The following ARID1B variants were observed in gnomAD, a reference collection of about 807,000 sequenced individuals.
ARID1B encodes AT-rich interaction domain 1B.
Under a neutral mutation model 212.3 loss-of-function variants are expected in ARID1B, and 30 were observed. The ratio of observed to expected loss-of-function variants is 0.14; its 90% CI spans 0.11 to 0.19. ARID1B has a LOEUF of 0.19. Among genes scored for constraint, ARID1B ranks in the 10% least tolerant of loss-of-function variants. The probability of loss-of-function intolerance (pLI) is 1.00; values close to 1 mark genes in which losing one functional copy is unlikely to be tolerated. For missense variants in ARID1B, 2,891 were observed against 3,204.0 expected, an observed-to-expected ratio of 0.90 and a Z score of 2.36; for synonymous variants, 1,402 against 1,301.7, an observed-to-expected ratio of 1.08 and a Z score of -1.66.
rs1794003541 is a variant in ARID1B, at chr6:157,200,276, G to A, written c.4480-429G>A. On this transcript the variant is annotated intron_variant, in intron 17 of 19. Coordinates refer to ENST00000636930, the MANE Select transcript of ARID1B (RefSeq NM_001374828.1). This position sits in a 1 kb window ranked among gnomAD's most constrained non-coding sequence, Gnocchi z 4.3. Reference sequence around the variant, plus strand: ...TTCGGGGGCTTTTCTGTAAAATGAGGCCCAAGAAACCCTTTTACCCCAAGA... The same window carrying A: ...TTCGGGGGCTTTTCTGTAAAATGAGACCCAAGAAACCCTTTTACCCCAAGA... 6.6e-6 allele frequency among the ~76,000 whole-genome samples: 1 copy of A among 152,142 alleles called. No homozygotes were observed. Among genetic ancestry groups the A allele is most frequent in the African/African-American group, 2.4e-5 (1 of 41,436 alleles).
At chr6:157,021,815 G>C (rs1365235696) in intron 4 of ARID1B, among the ~76,000 whole-genome samples, 1 of 152,106 alleles carries the variant, frequency 6.6e-6, no homozygotes, top group Non-Finnish European at 1.5e-5. Context: ...ACAGCTTCGC[G>C]TACACATGAG....
chr6:157,190,053 T>C lies in ARID1B; in HGVS notation c.4074T>C (p.Ser1358=). The C allele has an allele frequency of 6.2e-7, 1 of 1,614,044 alleles. No individual in the cohort carries two copies. The highest frequency in any genetic ancestry group is 8.5e-7 in the Non-Finnish European group (1 of 1,179,946). ...PMQGGRSSTI[S]VHDPFSDVSD... is the part of the protein sequence containing the mutation. ...CTCTCTTCAGAAGCAGTACAATCAG[T>C]GTGCACGACCCATTCTCAGATGTGA... is the stretch of plus-strand genomic sequence containing the variant. Residue 1358 remains serine (S), a synonymous_variant, in exon 15 of 20, where the codon AGT becomes AGC. Transcript: ENST00000636930. This position sits in a 1 kb window ranked among gnomAD's most constrained non-coding sequence, Gnocchi z 4.6.
intron 1 of ARID1B, among the ~76,000 whole-genome samples, chr6:156,785,525 T>G (rs74355105): frequency 4.6e-5 from 6 of 129,764 alleles, no homozygotes; most frequent in Admixed American, 1.4e-4. Context: ...AAATATATGG[T>G]TTTTTTTTTA....
In ARID1B at chr6:157,020,555, T is replaced by C. The variant is rs1045991474; in HGVS notation, c.2248-64107T>C. ...AGGCATGTGTTTTTCTTTCTGATGCTGTTGGAGCTATAAATAGTAGGTAGA... is the reference window on the plus strand; with the variant it reads ...AGGCATGTGTTTTTCTTTCTGATGCCGTTGGAGCTATAAATAGTAGGTAGA... On this transcript the variant is annotated intron_variant, in intron 4 of 19. Coordinates refer to ENST00000636930, the MANE Select transcript of ARID1B (RefSeq NM_001374828.1). Among the ~76,000 whole-genome samples, 3 of 152,246 alleles carry C rather than the reference T, an allele frequency of 2.0e-5. No individual in the cohort carries two copies. In the South Asian group the frequency reaches 6.2e-4, roughly 32 times the overall value.
chr6:157,051,865 C>G (rs1279986869), intron 4 of ARID1B, among the ~76,000 whole-genome samples: 1 of 152,120 alleles, frequency 6.6e-6, no homozygotes, highest in Non-Finnish European at 1.5e-5. Context: ...TCTTTTGTCA[C>G]ATGATATATT....
Position 157,208,151 on chromosome 6 carries a change from G to A in ARID1B, c.*260G>A. On this transcript the variant is annotated 3_prime_UTR_variant, in exon 20 of 20. Coordinates refer to ENST00000636930, the MANE Select transcript of ARID1B (RefSeq NM_001374828.1). ...TTTTTAACCAAAGTTGCTGTCTAGT[G>A]CATTCAAAGGTCACTTTTTGTTCTT... The A allele has an allele frequency of 3.0e-6, 1 of 336,914 alleles. No individual in the cohort carries two copies. The highest frequency in any genetic ancestry group is 4.8e-5 in the Admixed American group (1 of 20,966). The allele number at this position is 336,914 out of a possible 1,614,324, so 20.9% of individuals were successfully genotyped here. A position where few individuals can be genotyped will look rare whatever the true frequency, so the allele number is the denominator to read the frequency against.
At chr6:156,845,250 C>T (rs995489865) in intron 2 of ARID1B, among the ~76,000 whole-genome samples, 4 of 152,164 alleles carry the variant, frequency 2.6e-5, no homozygotes, top group Admixed American at 6.5e-5. Context: ...GGAATCCCTC[C>T]GGGAGCCACC....
chr6:156,803,261 AT>A (rs1780915913), intron 1 of ARID1B, among the ~76,000 whole-genome samples: 1 of 152,156 alleles, frequency 6.6e-6, no homozygotes, highest in Non-Finnish European at 1.5e-5. Flanking sequence ...CCAACATTTT[AT>A]TTATGAAATT....
chr6:157,207,444 C>T lies in ARID1B; in HGVS notation c.6672C>T (p.Ala2224=). The change falls in exon 20 of 20, where the codon GCC becomes GCT. Residue 2224 remains alanine (A), a synonymous_variant. Coordinates refer to ENST00000636930, the MANE Select transcript of ARID1B (RefSeq NM_001374828.1). The surrounding 1 kb of genome is among the most constrained non-coding windows in gnomAD (Gnocchi z 8.5). ...ACAATAATGTGGACCTGATCTTGGCCACTCCTCCATTTAGTCGTCAGGAGA... is the reference window on the plus strand; with the variant it reads ...ACAATAATGTGGACCTGATCTTGGCTACTCCTCCATTTAGTCGTCAGGAGA... ...IQDNNVDLIL[A]TPPFSRQEKF... 6.2e-7 allele frequency: 1 copy of T among 1,614,114 alleles called. No homozygotes were observed. Among genetic ancestry groups the T allele is most frequent in the Non-Finnish European group, 8.5e-7 (1 of 1,180,022 alleles).
chr6:157,123,179 T>TG (rs1491473661), intron 6 of ARID1B, among the ~76,000 whole-genome samples: 58 of 147,424 alleles, frequency 3.9e-4, no homozygotes, highest in Non-Finnish European at 6.0e-4. Context: ...TTTTGAGATC[T>TG]TTCTCTGTCT....
At position 157,190,552 on chromosome 6, in the gene ARID1B, G is replaced by A. The variant is rs1212978990; in HGVS notation, c.4231+342G>A. ...CTTCCAAAGGCATGGCGAGGATTAA[G>A]TTCCTGCAACAGAGCTCAGAGAAGA... On this transcript the variant is annotated intron_variant, in intron 15 of 19. Transcript: ENST00000636930. This position sits in a 1 kb window ranked among gnomAD's most constrained non-coding sequence, Gnocchi z 4.6. Among the ~76,000 whole-genome samples the A allele has an allele frequency of 6.6e-6, 1 of 152,372 alleles. No individual in the cohort carries two copies. The highest frequency in any genetic ancestry group is 6.5e-5 in the Admixed American group (1 of 15,312).
chr6:157,076,490 T>A (rs1040554189), intron 4 of ARID1B, among the ~76,000 whole-genome samples: 7 of 151,822 alleles, frequency 4.6e-5, no homozygotes, highest in African/African-American at 1.7e-4. Context: ...TCTTAATGTT[T>A]ATAAGCATTT....
At position 156,778,906 on chromosome 6, in the gene ARID1B, G is replaced by GAGCAGGAGC; in HGVS notation, c.1228_1229insCAGGAGCAG (p.Gly409_Gly410insAlaGlyAla). The GAGCAGGAGC allele has an allele frequency of 2.2e-6, 3 of 1,367,118 alleles. No individual in the cohort carries two copies. Among genetic ancestry groups the GAGCAGGAGC allele is most frequent in the Non-Finnish European group, 9.4e-7 (1 of 1,062,180 alleles). 84.7% of individuals were successfully genotyped at this position (1,367,118 alleles called of 1,614,324 possible). On this transcript the variant is annotated inframe_insertion, in exon 1 of 20. Coordinates refer to ENST00000636930, the MANE Select transcript of ARID1B (RefSeq NM_001374828.1). ...GGAGGCAGCGGAGGAGGAGGAGGAG[G>GAGCAGGAGC]AGGAGGAGCAGGAGCAGGAGGAGCA...
intron 4 of ARID1B, among the ~76,000 whole-genome samples, chr6:156,997,572 A>G (rs1215662027): frequency 6.6e-6 from 1 of 152,166 alleles, no homozygotes; most frequent in Admixed American, 6.5e-5. Flanking sequence ...TCTCTATGTA[A>G]GAAGTAACAG....
chr6:157,017,561 G>C (rs1424071475), intron 4 of ARID1B, among the ~76,000 whole-genome samples: 1 of 152,022 alleles, frequency 6.6e-6, no homozygotes, highest in Non-Finnish European at 1.5e-5. Flanking sequence ...CTTTCTTTAG[G>C]AATTCATCAG....
intron 6 of ARID1B, among the ~76,000 whole-genome samples, chr6:157,112,105 AC>A (rs1562627319): frequency 6.6e-6 from 1 of 152,168 alleles, no homozygotes; most frequent in Non-Finnish European, 1.5e-5. Flanking sequence ...CTGTGATCAC[AC>A]CACTGCACTC....
intron 3 of ARID1B, 99 bp downstream of exon 3, chr6:156,901,624 G>C (rs1455774057): frequency 7.1e-7 from 1 of 1,417,318 alleles, no homozygotes; most frequent in Non-Finnish European, 9.3e-7. Flanking sequence ...TTATGTTCTG[G>C]TGGAAAAAAA....
chr6:157,170,703 G>A (rs575189131), intron 9 of ARID1B, among the ~76,000 whole-genome samples: 23 of 152,240 alleles, frequency 1.5e-4, no homozygotes, highest in African/African-American at 5.3e-4. Context: ...GGGAGGGGGC[G>A]CTGATGGCAA....
At chr6:157,095,085 A>G (rs1013900828) in intron 5 of ARID1B, among the ~76,000 whole-genome samples, 1 of 152,034 alleles carries the variant, frequency 6.6e-6, no homozygotes, top group Non-Finnish European at 1.5e-5. Context: ...AGGGTTCAGG[A>G]TGAGGTCCCC....
Sources: gnomAD v4.1 joint callset for allele counts (sites outside exome capture counted in the v4.1 genomes callset) on GRCh38, gnomAD v4.1.1 for gene constraint, Gnocchi (gnomAD v3.1) non-coding constraint, MANE v1.5 for transcripts, NCBI Gene and HGNC (gene_info 2026-07-23, HGNC 2026-07-21) for gene names.